The following FBXO10 variants were observed in gnomAD, a reference collection of about 807,000 sequenced individuals.
FBXO10 encodes F-box only protein 10.
FBXO10 carries 39 observed loss-of-function variants against 80.7 expected under a neutral mutation model. That is an observed-to-expected ratio of 0.48 (90% CI 0.37 to 0.63). FBXO10 has a LOEUF of 0.63. FBXO10 is among the 30% of genes least tolerant of loss of function. FBXO10 has a pLI of 0.00. For missense variants in FBXO10, 1,025 were observed against 1,269.0 expected, an observed-to-expected ratio of 0.81 and a Z score of 2.92; for synonymous variants, 449 against 489.6, an observed-to-expected ratio of 0.92 and a Z score of 1.09.
rs557022734 is a variant in FBXO10 at position 37,524,127 on chromosome 9, C to G, written c.1777+975G>C. Among the ~76,000 whole-genome samples, 5 of 152,194 alleles carry G rather than the reference C, an allele frequency of 3.3e-5. 1 individual carries two copies. In the South Asian group the frequency reaches 1.0e-3, roughly 32 times the overall value. On this transcript the variant is annotated intron_variant, in intron 6 of 10. Transcript: ENST00000432825. The stretch of plus-strand genomic sequence containing the variant: ...ACAAGCGATGTCCACTCGGCCATGC[C>G]AAGTCTGTTCTCACAGGCGGCCCTA...
chr9:37,512,541 G>T lies in FBXO10; in HGVS notation c.*6C>A. 1 of 1,611,786 alleles carries T rather than the reference G, an allele frequency of 6.2e-7. No individual in the cohort carries two copies. The highest frequency in any genetic ancestry group is 8.5e-7 in the Non-Finnish European group (1 of 1,178,250). On this transcript the variant is annotated 3_prime_UTR_variant, in exon 11 of 11. Coordinates refer to ENST00000432825, the MANE Select transcript of FBXO10 (RefSeq NM_012166.3). ...CCAGGCTTGGCCCTGAAGCAGGTCT[G>T]TGTCCTCACAGGATGGTGCAGAAGA...
chr9:37,542,423 C>T lies in FBXO10; in HGVS notation c.-6-649G>A, dbSNP rs149810051. Among the ~76,000 whole-genome samples the T allele has an allele frequency of 7.2e-3, 1,100 of 151,994 alleles. 17 individuals carry two copies. Among genetic ancestry groups the T allele is most frequent in the African/African-American group, 0.025 (1,057 of 41,478 alleles). On this transcript the variant is annotated intron_variant, in intron 1 of 10. Coordinates refer to ENST00000432825, the MANE Select transcript of FBXO10 (RefSeq NM_012166.3). ...CCAGCCTGACCAACATGGAGAAACC[C>T]TGTCTCTATGAAAAATACAAAATTA...
chr9:37,519,432 G>A (rs974240671), intron 8 of FBXO10, among the ~76,000 whole-genome samples: 2 of 149,920 alleles, frequency 1.3e-5, no homozygotes, highest in African/African-American at 4.9e-5. Context: ...AGACCCGGGG[G>A]CGAGGAGAGG....
chr9:37,536,937 T>C (rs759447569), intron 3 of FBXO10, among the ~76,000 whole-genome samples, 173 bp downstream of exon 3: 7 of 152,160 alleles, frequency 4.6e-5, no homozygotes, highest in Admixed American at 1.3e-4. Context: ...CCTCTCTTTC[T>C]GGGAAATGAG....
At chr9:37,550,294 C>T (rs1270717189) in intron 1 of FBXO10, among the ~76,000 whole-genome samples, 5 of 143,822 alleles carry the variant, frequency 3.5e-5, no homozygotes, top group Non-Finnish European at 7.5e-5. Flanking sequence ...GTGATTGTTC[C>T]GCCTCAGCCT....
chr9:37,521,122 A>G (rs78944914), intron 8 of FBXO10, among the ~76,000 whole-genome samples: 2 of 152,238 alleles, frequency 1.3e-5, no homozygotes, highest in African/African-American at 2.4e-5. Context: ...TTCAAGTTTA[A>G]TGAATAAATA....
At chr9:37,530,757 C>T (rs369844047) in intron 4 of FBXO10, among the ~76,000 whole-genome samples, 4 of 152,260 alleles carry the variant, frequency 2.6e-5, no homozygotes, top group African/African-American at 4.8e-5. Context: ...CTCCCACCTC[C>T]GCCTCCCAAG....
chr9:37,512,448 C>G lies in FBXO10; in HGVS notation c.*99G>C. The G allele has an allele frequency of 7.2e-7, 1 of 1,389,298 alleles. No individual in the cohort carries two copies. The highest frequency in any genetic ancestry group is 9.8e-7 in the Non-Finnish European group (1 of 1,017,730). 86.1% of individuals were successfully genotyped at this position (1,389,298 alleles called of 1,614,324 possible). A position where few individuals can be genotyped will look rare whatever the true frequency, so the allele number is the denominator to read the frequency against. The stretch of plus-strand genomic sequence containing the variant: ...TTTGGAGGCCCGGGACCCATTTGTT[C>G]GAGGGGGAGGGGGAGGGGCGGAGTC... On this transcript the variant is annotated 3_prime_UTR_variant, in exon 11 of 11. Coordinates refer to ENST00000432825, the MANE Select transcript of FBXO10 (RefSeq NM_012166.3).
chr9:37,540,992 G>A (rs1821897046), intron 2 of FBXO10, among the ~76,000 whole-genome samples, 192 bp downstream of exon 2: 1 of 152,202 alleles, frequency 6.6e-6, no homozygotes, highest in African/African-American at 2.4e-5. Flanking sequence ...GCTTTACCAA[G>A]AATAAAGCAG....
intron 9 of FBXO10, 68 bp from the exon 10 acceptor site, chr9:37,516,153 T>C: frequency 2.0e-6 from 3 of 1,517,756 alleles, no homozygotes; most frequent in African/African-American, 1.4e-5. Context: ...GCTGGGCAAG[T>C]GAATTATCAG....
At chr9:37,512,857 T>C (rs1821097403) in intron 10 of FBXO10, 136 bp from the exon 11 acceptor site, 1 of 895,412 alleles carries the variant, frequency 1.1e-6, no homozygotes, top group Non-Finnish European at 1.6e-6. Context: ...TATCTTCCAG[T>C]TTAGTGTTAG....
intron 10 of FBXO10, among the ~76,000 whole-genome samples, chr9:37,513,400 T>C (rs1821110622): frequency 6.6e-6 from 1 of 152,106 alleles, no homozygotes; most frequent in Non-Finnish European, 1.5e-5. Flanking sequence ...CTTCAGCTGA[T>C]GAGTGAATAA....
chr9:37,541,371 C>G lies in FBXO10; in HGVS notation c.398G>C (p.Arg133Pro). The change falls in exon 2 of 11, where the codon CGA (arginine) becomes CCA (proline). Residue 133 changes from arginine (R) to proline (P), a missense_variant. Arg to Pro is a moderately radical substitution (Grantham distance 103). Around this residue, in one of 3 missense-constraint regions of FBXO10, gnomAD observed 450 missense variants for 499.4 expected, o/e 0.90. Coordinates refer to ENST00000432825, the MANE Select transcript of FBXO10 (RefSeq NM_012166.3). ...GTACACACCTGGGAAGAGCACAATT[C>G]GGTCATACAGGCTGGCCATGGCCAA... ...SALAMASLYD[R>P]IVLFPGVYEE... 6.2e-7 allele frequency: 1 copy of G among 1,613,960 alleles called. No homozygotes were observed. Among genetic ancestry groups the G allele is most frequent in the Non-Finnish European group, 8.5e-7 (1 of 1,179,876 alleles).
At chr9:37,567,925 T>C (rs1031326966) in intron 1 of FBXO10, among the ~76,000 whole-genome samples, 5 of 152,094 alleles carry the variant, frequency 3.3e-5, no homozygotes, top group African/African-American at 7.2e-5. Flanking sequence ...ACTGAGAGTG[T>C]TGCAGTCCTC....
chr9:37,525,224 A>T, intron 5 of FBXO10, 52 bp from the exon 6 acceptor site: 3 of 1,504,832 alleles, frequency 2.0e-6, no homozygotes, highest in Non-Finnish European at 2.7e-6. Flanking sequence ...CATCAATGTC[A>T]TGCTTCCAGG....
At chr9:37,515,637 A>G (rs1413106797) in intron 10 of FBXO10, 1 of 352,738 alleles carries the variant, frequency 2.8e-6, no homozygotes, top group African/African-American at 2.1e-5. Flanking sequence ...GATGTGAAGT[A>G]AGTTGCCCAA....
chr9:37,567,684 C>T (rs915018838), intron 1 of FBXO10, among the ~76,000 whole-genome samples: 1 of 152,088 alleles, frequency 6.6e-6, no homozygotes, highest in Non-Finnish European at 1.5e-5. Flanking sequence ...TAGGAGGCAC[C>T]ATGCCTGGCT....
At chr9:37,544,270 A>G (rs188791604) in intron 1 of FBXO10, among the ~76,000 whole-genome samples, 4 of 152,162 alleles carry the variant, frequency 2.6e-5, no homozygotes, top group African/African-American at 9.6e-5. Flanking sequence ...CTCTGTCTCA[A>G]AACAAAACAA....
intron 3 of FBXO10, among the ~76,000 whole-genome samples, chr9:37,535,479 G>A (rs1821736853): frequency 6.6e-6 from 1 of 151,900 alleles, no homozygotes; most frequent in Non-Finnish European, 1.5e-5. Context: ...AGCCTCCCGA[G>A]TAGCTGGGAC....
Sources: allele counts gnomAD v4.1 joint callset (sites outside exome capture counted in the v4.1 genomes callset), GRCh38; gene constraint gnomAD v4.1.1; regional missense constraint gnomAD v4.1.1; transcripts MANE v1.5; gene names NCBI Gene and HGNC (gene_info 2026-07-23, HGNC 2026-07-21).